The following CNNM1 variants were observed in gnomAD, a reference collection of about 807,000 sequenced individuals.
The protein encoded by CNNM1 is metal transporter CNNM1.
CNNM1 carries 44 observed loss-of-function variants against 78.8 expected under a neutral mutation model. That is an observed-to-expected ratio of 0.56 (90% CI 0.44 to 0.72). CNNM1 has a LOEUF of 0.72. CNNM1 is among the 30% of genes least tolerant of loss of function. The probability of loss-of-function intolerance (pLI) is 0.00; values close to 1 mark genes in which losing one functional copy is unlikely to be tolerated. For missense variants in CNNM1, 1,101 were observed against 1,292.2 expected (o/e 0.85, Z 2.27); for synonymous variants, 584 against 581.5 (o/e 1.00, Z -0.06).
chr10:99,389,462 G>A (rs2032409752), intron 9 of CNNM1, among the ~76,000 whole-genome samples: 1 of 150,424 alleles, frequency 6.6e-6, no homozygotes, highest in East Asian at 2.0e-4. Flanking sequence ...AAGACAATAT[G>A]TTTGAACTTG....
At chr10:99,353,105 G>A (rs1200116973) in intron 1 of CNNM1, among the ~76,000 whole-genome samples, 1 of 152,070 alleles carries the variant, frequency 6.6e-6, no homozygotes, top group Non-Finnish European at 1.5e-5. Flanking sequence ...ATCTTTTCAT[G>A]TGCATTGACC....
chr10:99,385,629 A>G (rs566316254), intron 7 of CNNM1, among the ~76,000 whole-genome samples: 22 of 152,346 alleles, frequency 1.4e-4, no homozygotes, highest in African/African-American at 5.1e-4. Flanking sequence ...TAACAGTTTC[A>G]TATAATGGAT....
chr10:99,332,744 C>T (rs2029975092), intron 1 of CNNM1, among the ~76,000 whole-genome samples: 2 of 152,126 alleles, frequency 1.3e-5, no homozygotes, highest in South Asian at 4.1e-4. Context: ...TTTGAGAGAA[C>T]AGCCCTAGAC....
chr10:99,367,571 C>T lies in CNNM1; in HGVS notation c.2176+2569C>T, dbSNP rs74156094. On this transcript the variant is annotated intron_variant, in intron 6 of 10. Coordinates refer to ENST00000356713, the MANE Select transcript of CNNM1 (RefSeq NM_020348.3). Reference sequence around the variant, plus strand: ...GGTGTATACATTTATACATTTAGAACTATGATTCTTCTTGAGAATAGAGAG... The same window carrying T: ...GGTGTATACATTTATACATTTAGAATTATGATTCTTCTTGAGAATAGAGAG... Among the ~76,000 whole-genome samples the T allele has an allele frequency of 6.3e-3, 959 of 152,238 alleles. 11 individuals are homozygous for T. The highest frequency in any genetic ancestry group is 0.022 in the African/African-American group (910 of 41,538).
At chr10:99,352,046 A>G (rs933121872) in intron 1 of CNNM1, among the ~76,000 whole-genome samples, 12 of 152,162 alleles carry the variant, frequency 7.9e-5, no homozygotes, top group African/African-American at 2.9e-4. Flanking sequence ...TTGTATATTC[A>G]GAGTTGTGCA....
Position 99,330,853 on chromosome 10 carries a change from C to T in CNNM1, c.1466C>T (p.Pro489Leu). Reference sequence around the variant, plus strand: ...GTCAAGGACTTGGCCTTCGTGGACCCCGACGACTGCACCCCGCTCCTCACT... The same window carrying T: ...GTCAAGGACTTGGCCTTCGTGGACCTCGACGACTGCACCCCGCTCCTCACT... The part of the protein sequence containing the change: ...LFVKDLAFVD[P>L]DDCTPLLTVT... Residue 489 changes from proline to leucine, a missense_variant, in exon 1 of 11, where the codon CCC becomes CTC. By Grantham distance (98) the Pro-to-Leu change is moderately conservative. Around this residue, in one of 3 missense-constraint regions of CNNM1, gnomAD observed 277 missense variants for 423.2 expected, o/e 0.65. Coordinates refer to ENST00000356713, the MANE Select transcript of CNNM1 (RefSeq NM_020348.3). The T allele has an allele frequency of 6.2e-7, 1 of 1,614,162 alleles. No homozygotes were observed. The highest frequency in any genetic ancestry group is 1.1e-5 in the South Asian group (1 of 91,082).
intron 6 of CNNM1, among the ~76,000 whole-genome samples, chr10:99,370,353 A>G (rs1449834407): frequency 6.6e-6 from 1 of 152,160 alleles, no homozygotes; most frequent in African/African-American, 2.4e-5. Flanking sequence ...TTAACTCTGC[A>G]GGGTGGAGCA....
chr10:99,384,021 T>C (rs752643107), intron 7 of CNNM1, among the ~76,000 whole-genome samples: 1 of 152,246 alleles, frequency 6.6e-6, no homozygotes, highest in Non-Finnish European at 1.5e-5. Flanking sequence ...CACATGATGA[T>C]GTGAAATTAT....
chr10:99,377,536 G>T (rs747726811), intron 7 of CNNM1, among the ~76,000 whole-genome samples: 4 of 152,062 alleles, frequency 2.6e-5, no homozygotes, highest in Non-Finnish European at 5.9e-5. Flanking sequence ...CCTACCATTG[G>T]CATCAGTTTG....
intron 2 of CNNM1, among the ~76,000 whole-genome samples, chr10:99,359,791 G>A (rs973609593): frequency 3.3e-5 from 5 of 151,992 alleles, no homozygotes; most frequent in African/African-American, 7.2e-5. Context: ...CTCTTTAGGC[G>A]AAGTTTGGAG....
chr10:99,356,564 G>GACAGAAAGAAAGAAAAGA (rs1554940021), intron 1 of CNNM1, among the ~76,000 whole-genome samples: 24 of 98,246 alleles, frequency 2.4e-4, no homozygotes, highest in South Asian at 3.2e-4. Flanking sequence ...CAGACAGACA[G>GACAGAAAGAAAGAAAAGA]AAAGAAAGAA....
intron 7 of CNNM1, among the ~76,000 whole-genome samples, chr10:99,383,475 T>C (rs1057410165): frequency 2.0e-5 from 3 of 152,162 alleles, no homozygotes; most frequent in African/African-American, 7.2e-5. Flanking sequence ...GGTTTCACCA[T>C]GTTGGTCAGG....
chr10:99,352,288 TG>T (rs1384017814), intron 1 of CNNM1, among the ~76,000 whole-genome samples: 1 of 152,256 alleles, frequency 6.6e-6, no homozygotes, highest in East Asian at 1.9e-4. Context: ...TCATCCATGT[TG>T]TAGGGTGCAC....
intron 6 of CNNM1, among the ~76,000 whole-genome samples, chr10:99,373,380 C>T (rs1438422627): frequency 6.6e-6 from 1 of 152,156 alleles, no homozygotes; most frequent in East Asian, 1.9e-4. Flanking sequence ...TCAAAACCCA[C>T]CAGATCAAGG....
chr10:99,368,178 G>T (rs957152882), intron 6 of CNNM1, among the ~76,000 whole-genome samples: 2 of 152,210 alleles, frequency 1.3e-5, no homozygotes, highest in African/African-American at 4.8e-5. Context: ...AGGAGCACAC[G>T]CTTTCCATTC....
At chr10:99,381,525 T>A (rs1482158380) in intron 7 of CNNM1, among the ~76,000 whole-genome samples, 1 of 152,056 alleles carries the variant, frequency 6.6e-6, no homozygotes, top group Non-Finnish European at 1.5e-5. Context: ...GCAGATCACT[T>A]GAGGTCAGGA....
At chr10:99,391,312 C>G (rs1027575373) in intron 10 of CNNM1, 125 bp from the exon 11 acceptor site, 10 of 698,996 alleles carry the variant, frequency 1.4e-5, no homozygotes, top group Admixed American at 7.4e-5. Context: ...CCGGTTAGTT[C>G]TAACCAAGCT....
chr10:99,373,585 A>G (rs1024643341), intron 6 of CNNM1, among the ~76,000 whole-genome samples: 3 of 152,046 alleles, frequency 2.0e-5, no homozygotes, highest in Admixed American at 2.0e-4. Context: ...TTTTTAATAG[A>G]TTTAGGGGGT....
intron 1 of CNNM1, among the ~76,000 whole-genome samples, chr10:99,345,745 G>A (rs947217837): frequency 1.3e-5 from 2 of 152,106 alleles, no homozygotes; most frequent in African/African-American, 4.8e-5. Context: ...TTTTCTAGTT[G>A]GGTCTTGAAG....
Sources: allele counts gnomAD v4.1 joint callset (sites outside exome capture counted in the v4.1 genomes callset), GRCh38; gene constraint gnomAD v4.1.1; regional missense constraint gnomAD v4.1.1; transcripts MANE v1.5; gene names NCBI Gene and HGNC (gene_info 2026-07-23, HGNC 2026-07-21).